NCKAP5: variants seen among roughly 807,000 people sequenced by gnomAD.
NCKAP5 encodes the protein NCK associated protein 5, also known as nck-associated protein 5.
In NCKAP5, 92 loss-of-function variants were observed where a neutral mutation model predicts 167.0. The ratio of observed to expected loss-of-function variants is 0.55; its 90% CI spans 0.47 to 0.66. NCKAP5 has a LOEUF of 0.66. Among genes scored for constraint, NCKAP5 ranks in the 30% least tolerant of loss-of-function variants. The pLI, the probability that NCKAP5 is intolerant of heterozygous loss-of-function variation, is 0.00. For missense variants in NCKAP5, 2,378 were observed against 2,315.0 expected (o/e 1.03, Z -0.56); for synonymous variants, 891 against 877.4 (o/e 1.02, Z -0.27).
At position 132,785,326 on chromosome 2, in the gene NCKAP5, G is replaced by A; in HGVS notation, c.1485C>T (p.Ser495=). 6.2e-7 allele frequency: 1 copy of A among 1,613,058 alleles called. No homozygotes were observed. The highest frequency in any genetic ancestry group is 8.5e-7 in the Non-Finnish European group (1 of 1,179,366). ...LALLQAVPNQ[S]CRPHGSKLTH... The stretch of plus-strand genomic sequence containing the variant: ...TTAATTTACTGCCATGTGGCCTGCA[G>A]CTCTGGTTTGGAACTGCTTGGAGCA... The change falls in exon 14 of 20, where the codon AGC becomes AGT. Residue 495 remains serine (S), a synonymous_variant. Transcript: ENST00000409261.
chr2:132,940,711 T>G (rs1697232837), intron 8 of NCKAP5, among the ~76,000 whole-genome samples: 1 of 152,058 alleles, frequency 6.6e-6, no homozygotes, highest in South Asian at 2.1e-4. Flanking sequence ...TAGTAAAAAC[T>G]TATTTATTCT....
At chr2:133,542,414 G>A (rs952884649) in intron 2 of NCKAP5, among the ~76,000 whole-genome samples, 2 of 152,102 alleles carry the variant, frequency 1.3e-5, no homozygotes, top group Admixed American at 6.5e-5. Flanking sequence ...AATTATAGTA[G>A]CTTAACTTTG....
At chr2:133,576,348 A>G in the NCKAP5 span, among the ~76,000 whole-genome samples, 2 of 152,238 alleles carry the variant, frequency 1.3e-5, no homozygotes, top group Non-Finnish European at 2.9e-5. Flanking sequence ...CACAGAAAAT[A>G]ATATATTACT....
chr2:133,154,023 G>A (rs1559199895), intron 5 of NCKAP5, among the ~76,000 whole-genome samples: 1 of 151,794 alleles, frequency 6.6e-6, no homozygotes, highest in Non-Finnish European at 1.5e-5. Context: ...TGTATTTTTA[G>A]TAGAGACGGG....
chr2:133,210,325 G>T (rs954757141), intron 5 of NCKAP5, among the ~76,000 whole-genome samples: 7 of 151,746 alleles, frequency 4.6e-5, no homozygotes, highest in African/African-American at 1.7e-4. Flanking sequence ...TTGTATTGAA[G>T]ATTTTGATTA....
the NCKAP5 span, among the ~76,000 whole-genome samples, chr2:133,656,281 A>C: frequency 1.3e-4 from 20 of 152,200 alleles, no homozygotes; most frequent in African/African-American, 3.4e-4. Context: ...ACAAAAAAAA[A>C]AAAAAACCAT....
intron 4 of NCKAP5, among the ~76,000 whole-genome samples, chr2:133,215,450 T>G (rs142640545): frequency 2.0e-5 from 3 of 152,256 alleles, no homozygotes; most frequent in Admixed American, 1.3e-4. Flanking sequence ...TACTCCATAC[T>G]CTATGAACCA....
chr2:133,173,889 G>C (rs941494311), intron 5 of NCKAP5, among the ~76,000 whole-genome samples: 1 of 152,180 alleles, frequency 6.6e-6, no homozygotes, highest in African/African-American at 2.4e-5. Flanking sequence ...TGGACACTGG[G>C]ATAGCTATAA....
At chr2:133,269,042 G>T (rs144265269) in intron 4 of NCKAP5, 1 of 152,258 alleles carries the variant, frequency 6.6e-6, no homozygotes, top group Non-Finnish European at 1.5e-5. Context: ...CAAGAAATTG[G>T]TAAGTTCTAC....
chr2:132,990,201 T>A (rs903579693), intron 7 of NCKAP5, among the ~76,000 whole-genome samples: 3 of 151,554 alleles, frequency 2.0e-5, no homozygotes, highest in Non-Finnish European at 4.4e-5. Context: ...GGAAGCAGAG[T>A]CTCCAAGGAG....
chr2:133,660,017 A>G, the NCKAP5 span, among the ~76,000 whole-genome samples: 3 of 152,182 alleles, frequency 2.0e-5, no homozygotes, highest in Non-Finnish European at 2.9e-5. Context: ...CGACCAATGG[A>G]AGGAGGCTCA....
intron 4 of NCKAP5, among the ~76,000 whole-genome samples, chr2:133,292,347 T>G (rs1316331429): frequency 6.6e-6 from 1 of 151,894 alleles, no homozygotes; most frequent in African/African-American, 2.4e-5. Context: ...TTACTGTGAG[T>G]GCACTTCAGC....
chr2:133,235,516 G>A (rs905817856), intron 4 of NCKAP5, among the ~76,000 whole-genome samples: 8 of 151,786 alleles, frequency 5.3e-5, no homozygotes, highest in Admixed American at 2.0e-4. Flanking sequence ...GCGGTGGATC[G>A]CTTTGAGCTT....
At chr2:133,165,789 C>T (rs1237299845) in intron 5 of NCKAP5, among the ~76,000 whole-genome samples, 11 of 152,064 alleles carry the variant, frequency 7.2e-5, no homozygotes, top group Non-Finnish European at 1.5e-4. Flanking sequence ...CCCTTAGATC[C>T]CCTGGTAGAA....
At chr2:133,460,556 C>T (rs1313246039) in intron 3 of NCKAP5, among the ~76,000 whole-genome samples, 7 of 152,060 alleles carry the variant, frequency 4.6e-5, no homozygotes, top group Admixed American at 3.3e-4. Flanking sequence ...GAATAATTGT[C>T]GCTCATTTAC....
chr2:132,685,100 C>T (rs973595135), intron 19 of NCKAP5, among the ~76,000 whole-genome samples: 6 of 152,160 alleles, frequency 3.9e-5, no homozygotes, highest in African/African-American at 1.4e-4. Context: ...TGTTAGAAGC[C>T]TTCATCCATT....
intron 9 of NCKAP5, among the ~76,000 whole-genome samples, chr2:132,875,685 G>T (rs756694842): frequency 4.6e-5 from 7 of 152,226 alleles, no homozygotes; most frequent in Non-Finnish European, 1.0e-4. Context: ...TAAATAGCAA[G>T]TCATTGCTCA....
At chr2:132,892,064 G>C (rs193105470) in intron 8 of NCKAP5, among the ~76,000 whole-genome samples, 3 of 152,170 alleles carry the variant, frequency 2.0e-5, no homozygotes, top group Non-Finnish European at 4.4e-5. Flanking sequence ...TTTAATGCAG[G>C]GGGTGGTGGT....
At chr2:133,223,154 T>C (rs1304931658) in intron 4 of NCKAP5, among the ~76,000 whole-genome samples, 1 of 152,150 alleles carries the variant, frequency 6.6e-6, no homozygotes, top group Non-Finnish European at 1.5e-5. Context: ...CCACCCCATA[T>C]TGTTTCCCTG....
Sources: allele counts gnomAD v4.1 joint callset (sites outside exome capture counted in the v4.1 genomes callset), GRCh38; gene constraint gnomAD v4.1.1; transcripts MANE v1.5; gene names NCBI Gene and HGNC (gene_info 2026-07-23, HGNC 2026-07-21).